Variants in KLHL2 observed in about 807,000 individuals in gnomAD.
KLHL2 encodes the protein kelch-like protein 2.
A neutral mutation model predicts 75.8 loss-of-function variants in KLHL2; 15 were observed. That is an observed-to-expected ratio of 0.20 (90% CI 0.13 to 0.30). The LOEUF (loss-of-function observed/expected upper bound fraction) is 0.30. KLHL2 is among the 10% of genes least tolerant of loss of function. The pLI is 1.00. For missense variants in KLHL2, 381 were observed against 741.0 expected, an observed-to-expected ratio of 0.51 and a Z score of 5.64; for synonymous variants, 214 against 251.9, an observed-to-expected ratio of 0.85 and a Z score of 1.42.
chr4:165,251,696 G>A (rs1336907377), intron 4 of KLHL2, among the ~76,000 whole-genome samples: 3 of 142,548 alleles, frequency 2.1e-5, no homozygotes, highest in Non-Finnish European at 4.6e-5. Context: ...TGCAAGCTCC[G>A]CCTCCCGGGT....
chr4:165,317,945 A>G lies in KLHL2; in HGVS notation c.1729A>G (p.Met577Val), dbSNP rs1273512074. 6.2e-7 allele frequency: 1 copy of G among 1,613,892 alleles called. No homozygotes were observed. Among genetic ancestry groups the G allele is most frequent in the East Asian group, 2.2e-5 (1 of 44,872 alleles). The change falls in exon 14 of 15, where the codon ATG becomes GTG. Residue 577 changes from methionine to valine, a missense_variant. Coordinates refer to ENST00000226725, the MANE Select transcript of KLHL2 (RefSeq NM_007246.4). Reference sequence around the variant, plus strand: ...TAAATGGACAGTTGTGTCATCGTGTATGAGCACAGGGAGAAGTTATGCAGG... The same window carrying G: ...TAAATGGACAGTTGTGTCATCGTGTGTGAGCACAGGGAGAAGTTATGCAGG... ...TDKWTVVSSC[M>V]STGRSYAGVT...
chr4:165,310,679 G>T lies in KLHL2; in HGVS notation c.1166G>T (p.Arg389Leu). The change falls in exon 10 of 15, where the codon CGG becomes CTG. Residue 389 changes from arginine (R) to leucine (L), a missense_variant. Physicochemically the swap from Arg to Leu is moderately radical, Grantham distance 102. Transcript: ENST00000226725. Reference protein sequence around the residue: ...QWTSVANMRDRRSTLGAAVLN... With the variant: ...QWTSVANMRDLRSTLGAAVLN... Reference sequence around the variant, plus strand: ...ACCAGCGTTGCTAACATGAGAGACCGGAGAAGCACTTTGGGAGCTGCTGTG... The same window carrying T: ...ACCAGCGTTGCTAACATGAGAGACCTGAGAAGCACTTTGGGAGCTGCTGTG... 1 of 1,614,050 alleles carries T rather than the reference G, an allele frequency of 6.2e-7. No homozygotes were observed. The highest frequency in any genetic ancestry group is 8.5e-7 in the Non-Finnish European group (1 of 1,179,974).
chr4:165,221,878 G>GC (rs1264178109), intron 2 of KLHL2, among the ~76,000 whole-genome samples: 35 of 152,280 alleles, frequency 2.3e-4, no homozygotes, highest in African/African-American at 8.2e-4. Flanking sequence ...GTAGTTATTA[G>GC]AATGTAAAAT....
intron 8 of KLHL2, among the ~76,000 whole-genome samples, chr4:165,303,379 A>G (rs1050602064): frequency 3.3e-5 from 5 of 152,042 alleles, no homozygotes; most frequent in East Asian, 3.8e-4. Flanking sequence ...CATCAGATAT[A>G]TCATCTAAGA....
At chr4:165,289,605 AT>A (rs1744353666) in intron 5 of KLHL2, among the ~76,000 whole-genome samples, 1 of 139,650 alleles carries the variant, frequency 7.2e-6, no homozygotes, top group Admixed American at 8.1e-5. Flanking sequence ...ATAGTTGACT[AT>A]TTTCCTTGCC....
intron 3 of KLHL2, among the ~76,000 whole-genome samples, chr4:165,232,751 TGAAAAA>T (rs1739003063): frequency 6.6e-6 from 1 of 151,380 alleles, no homozygotes; most frequent in Admixed American, 6.6e-5. Flanking sequence ...TCTCAAAAAA[TGAAAAA>T]GAAAAAAAGA....
chr4:165,264,594 A>G (rs569571731), intron 5 of KLHL2, among the ~76,000 whole-genome samples: 1 of 143,582 alleles, frequency 7.0e-6, no homozygotes, highest in East Asian at 2.0e-4. Flanking sequence ...TCATATATAT[A>G]TATATATATA....
rs140633280 is a variant in KLHL2 at position 165,258,262 on chromosome 4, A to G, written c.382-4935A>G. On this transcript the variant is annotated intron_variant, in intron 4 of 14. Coordinates refer to ENST00000226725, the MANE Select transcript of KLHL2 (RefSeq NM_007246.4). ...ATATATATCAAATTATAATTGCTCC[A>G]TCTTTGATGTTTTGGAATATACTTA... 6.6e-3 allele frequency among the ~76,000 whole-genome samples: 998 copies of G among 152,254 alleles called. 11 individuals carry two copies. Among genetic ancestry groups the G allele is most frequent in the African/African-American group, 0.022 (925 of 41,562 alleles).
At chr4:165,280,934 C>A in intron 5 of KLHL2, among the ~76,000 whole-genome samples, 1 of 152,178 alleles carries the variant, frequency 6.6e-6, no homozygotes, top group Non-Finnish European at 1.5e-5. Context: ...TATAGGAAAT[C>A]TTAGCAGTTA....
chr4:165,260,805 G>A (rs780081346), intron 4 of KLHL2, among the ~76,000 whole-genome samples: 66 of 152,270 alleles, frequency 4.3e-4, no homozygotes, highest in Non-Finnish European at 7.2e-4. Flanking sequence ...GTGCATGTGA[G>A]ATTTTGTGCA....
In KLHL2 at chr4:165,317,851, A is replaced by G; in HGVS notation, c.1635A>G (p.Leu545=). ...GAGTTTGTGCAGTTAATGGTCTGTT[A>G]TATGTTGTTGGAGGGGATGATGGTT... ...NAGVCAVNGL[L]YVVGGDDGSC... is the part of the protein sequence containing the mutation. Residue 545 remains leucine (L), a synonymous_variant, in exon 14 of 15, where the codon TTA becomes TTG. Coordinates refer to ENST00000226725, the MANE Select transcript of KLHL2 (RefSeq NM_007246.4). The G allele has an allele frequency of 6.2e-7, 1 of 1,613,584 alleles. No individual in the cohort carries two copies. Among genetic ancestry groups the G allele is most frequent in the Non-Finnish European group, 8.5e-7 (1 of 1,179,660 alleles).
chr4:165,273,011 G>T (rs1177137105), intron 5 of KLHL2, among the ~76,000 whole-genome samples: 2 of 152,104 alleles, frequency 1.3e-5, no homozygotes, highest in Non-Finnish European at 2.9e-5. Context: ...TCTTGTATTT[G>T]CTTGAGTTTC....
At chr4:165,271,815 T>A (rs535106069) in intron 5 of KLHL2, among the ~76,000 whole-genome samples, 1 of 152,328 alleles carries the variant, frequency 6.6e-6, no homozygotes, top group Admixed American at 6.5e-5. Context: ...AGCTTCTGTG[T>A]TCACTGCTCC....
chr4:165,208,937 C>G (rs1462712490), intron 1 of KLHL2, among the ~76,000 whole-genome samples: 3 of 152,186 alleles, frequency 2.0e-5, no homozygotes, highest in Admixed American at 1.3e-4. Context: ...TGGCAGAATT[C>G]CAGCCAAAAT....
chr4:165,233,158 A>C (rs569304971), intron 3 of KLHL2, among the ~76,000 whole-genome samples: 1 of 152,310 alleles, frequency 6.6e-6, no homozygotes, highest in African/African-American at 2.4e-5. Flanking sequence ...TACTCGTCAT[A>C]GTTCCAAGTA....
intron 4 of KLHL2, among the ~76,000 whole-genome samples, chr4:165,248,458 G>A (rs562432198): frequency 6.6e-6 from 1 of 152,310 alleles, no homozygotes; most frequent in African/African-American, 2.4e-5. Context: ...AGGAGTGACT[G>A]AGTTGTGGTT....
At position 165,210,103 on chromosome 4, in the gene KLHL2, CT is replaced by C. The variant is rs1288634336; in HGVS notation, c.26+2204del. 6 of 1,551,518 alleles carry C rather than the reference CT, an allele frequency of 3.9e-6. No homozygotes were observed. The East Asian group carries it at 9.8e-5, about 25-fold the overall frequency. On this transcript the variant is annotated intron_variant, in intron 1 of 14. Transcript: ENST00000226725. ...CATGAAGTTAGATTTTTAGCCTGAG[CT>C]TTAAGTCAAAGAAAGATGACCTGGA...
At chr4:165,299,391 GACTAA>G (rs1745179023) in intron 7 of KLHL2, 111 bp from the exon 8 acceptor site, 6 of 859,760 alleles carry the variant, frequency 7.0e-6, no homozygotes, top group Admixed American at 6.4e-5. Flanking sequence ...TTTATTTTTA[GACTAA>G]ACTAAAGGAT....
rs745368594 is a variant in KLHL2 at position 165,263,319 on chromosome 4, T to C, written c.504T>C (p.His168=). 6.2e-7 allele frequency: 1 copy of C among 1,614,066 alleles called. No homozygotes were observed. Among genetic ancestry groups the C allele is most frequent in the East Asian group, 2.2e-5 (1 of 44,878 alleles). The change falls in exon 5 of 15, where the codon CAT becomes CAC. Residue 168 remains histidine, a synonymous_variant. Transcript: ENST00000226725. Reference sequence around the variant, plus strand: ...GAATCCGGGCTTTTGCTGATATGCATGCATGTACCGACCTTCTGAACAAGG... The same window carrying C: ...GAATCCGGGCTTTTGCTGATATGCACGCATGTACCGACCTTCTGAACAAGG... ...CLGIRAFADM[H]ACTDLLNKAN... is the part of the protein sequence containing the mutation.
Sources: allele counts gnomAD v4.1 joint callset (sites outside exome capture counted in the v4.1 genomes callset), GRCh38; gene constraint gnomAD v4.1.1; transcripts MANE v1.5; gene names NCBI Gene and HGNC (gene_info 2026-07-23, HGNC 2026-07-21).